PCDH15: variants seen among roughly 807,000 people sequenced by gnomAD.
PCDH15 encodes protocadherin-15.
In PCDH15, 129 loss-of-function variants were observed where a neutral mutation model predicts 178.5. The ratio of observed to expected loss-of-function variants is 0.72; its 90% CI spans 0.63 to 0.84. The LOEUF is 0.84. PCDH15 is among the 40% of genes least tolerant of loss of function. PCDH15 has a pLI of 0.00. For missense variants in PCDH15, 2,230 were observed against 2,099.9 expected (o/e 1.06, Z -1.21); for synonymous variants, 800 against 732.0 (o/e 1.09, Z -1.50).
In PCDH15 at chr10:53,807,040, T is replaced by TTCTC; in HGVS notation, c.4758_4761dup (p.Asn1588GlufsTer8). 1 of 1,613,618 alleles carries TTCTC rather than the reference T, an allele frequency of 6.2e-7. No homozygotes were observed. Among genetic ancestry groups the TTCTC allele is most frequent in the South Asian group, 1.1e-5 (1 of 91,072 alleles). On this transcript the variant is annotated frameshift_variant, in exon 38 of 38. Coordinates refer to ENST00000644397, the MANE Select transcript of PCDH15 (RefSeq NM_001384140.1). LOFTEE classifies it high-confidence loss of function. ...TGGATACTAGGATGGTGAAGACGGT[T>TTCTC]TCTCTGACATTCAGGAGCACTGTCT...
chr10:55,432,088 C>CACACACACAG (rs1421020553), intron 2 of PCDH15, among the ~76,000 whole-genome samples: 3 of 60,598 alleles, frequency 5.0e-5, no homozygotes, highest in Admixed American at 1.5e-4. Context: ...TTTAAACACA[C>CACACACACAG]ACACACACAC....
At chr10:54,859,503 T>C (rs1486061198) in intron 3 of PCDH15, among the ~76,000 whole-genome samples, 2 of 152,006 alleles carry the variant, frequency 1.3e-5, no homozygotes, top group Non-Finnish European at 2.9e-5. Context: ...ATTTTGTACA[T>C]GAACATAACT....
In PCDH15 at chr10:53,868,972, C is replaced by T. The variant is rs528954325; in HGVS notation, c.3502-2115G>A. 8.2e-4 allele frequency among the ~76,000 whole-genome samples: 125 copies of T among 152,288 alleles called. 1 individual carries two copies. Among genetic ancestry groups the T allele is most frequent in the African/African-American group, 2.8e-3 (117 of 41,564 alleles). On this transcript the variant is annotated intron_variant, in intron 26 of 37. Coordinates refer to ENST00000644397, the MANE Select transcript of PCDH15 (RefSeq NM_001384140.1). ...AGCTGGGACTATAGGCACTCCACTACGCCTGGCTAATTCTTTGTAGACACA... is the reference window on the plus strand; with the variant it reads ...AGCTGGGACTATAGGCACTCCACTATGCCTGGCTAATTCTTTGTAGACACA...
intron 2 of PCDH15, among the ~76,000 whole-genome samples, chr10:54,953,372 A>C (rs1435726485): frequency 6.6e-6 from 1 of 151,384 alleles, no homozygotes; most frequent in Non-Finnish European, 1.5e-5. Context: ...AATAAATCCC[A>C]CTTTGCTGTA....
upstream of PCDH15, among the ~76,000 whole-genome samples, chr10:55,321,298 T>TA (rs1659799115): frequency 6.6e-6 from 1 of 151,984 alleles, no homozygotes. Context: ...CAAACATTTT[T>TA]AAAAAATAAA....
intron 2 of PCDH15, among the ~76,000 whole-genome samples, chr10:55,588,191 CT>C (rs1023015394): frequency 6.6e-6 from 1 of 152,202 alleles, no homozygotes; most frequent in African/African-American, 2.4e-5. Flanking sequence ...CTGGGGCTAC[CT>C]TTTTTGCCTA....
intron 2 of PCDH15, among the ~76,000 whole-genome samples, chr10:55,124,471 G>C (rs768116767): frequency 3.6e-4 from 55 of 152,150 alleles, no homozygotes; most frequent in Non-Finnish European, 7.5e-4. Flanking sequence ...TAATTTAATA[G>C]AATAGAGCTA....
At chr10:54,950,139 G>T (rs1240716547) in intron 2 of PCDH15, among the ~76,000 whole-genome samples, 1 of 152,012 alleles carries the variant, frequency 6.6e-6, no homozygotes, top group Non-Finnish European at 1.5e-5. Context: ...AACTTCCTGA[G>T]ACTGGGTAAT....
At chr10:53,960,959 T>C in intron 22 of PCDH15, among the ~76,000 whole-genome samples, 1 of 152,316 alleles carries the variant, frequency 6.6e-6, no homozygotes, top group Non-Finnish European at 1.5e-5. Context: ...ATTGTTTTAA[T>C]ACCTTGCCAG....
chr10:54,238,496 T>C (rs1160840021), intron 8 of PCDH15, among the ~76,000 whole-genome samples: 1 of 152,032 alleles, frequency 6.6e-6, no homozygotes, highest in East Asian at 1.9e-4. Flanking sequence ...TTCCTGAAAA[T>C]AAAGAGTTGT....
At chr10:53,969,088 A>G (rs2089375033) in intron 21 of PCDH15, among the ~76,000 whole-genome samples, 1 of 152,156 alleles carries the variant, frequency 6.6e-6, no homozygotes. Context: ...TGAACCCACC[A>G]CAAAGAAGCT....
intron 2 of PCDH15, among the ~76,000 whole-genome samples, chr10:55,529,673 A>G (rs1841398377): frequency 2.0e-5 from 3 of 147,200 alleles, no homozygotes; most frequent in Non-Finnish European, 3.0e-5. Flanking sequence ...ATTGGCATAA[A>G]TTCTGCCTTT....
In PCDH15 at chr10:53,827,568, G is replaced by A. The variant is rs775958545; in HGVS notation, c.4212-20C>T. 61 of 1,613,854 alleles carry A rather than the reference G, an allele frequency of 3.8e-5. No homozygotes were observed. The highest frequency in any genetic ancestry group is 1.6e-4 in the Middle Eastern group (1 of 6,064). ...TGACGTCTTGGATAAAGTAAGGATG[G>A]CTTGTAAAACTCATTTTAGAAATCA... On this transcript the variant is annotated intron_variant, in intron 31 of 37. Coordinates refer to ENST00000644397, the MANE Select transcript of PCDH15 (RefSeq NM_001384140.1).
At chr10:55,425,864 G>A (rs1198611224) in intron 2 of PCDH15, among the ~76,000 whole-genome samples, 5 of 152,116 alleles carry the variant, frequency 3.3e-5, no homozygotes, top group African/African-American at 1.2e-4. Context: ...CACAAAATGA[G>A]TGTATTTTCT....
intron 26 of PCDH15, among the ~76,000 whole-genome samples, chr10:53,896,276 A>G (rs1456639798): frequency 6.6e-6 from 1 of 152,206 alleles, no homozygotes; most frequent in African/African-American, 2.4e-5. Flanking sequence ...ACAAAAAGTT[A>G]ATGTTCAAAG....
chr10:54,154,612 T>C (rs116027333), intron 13 of PCDH15, among the ~76,000 whole-genome samples: 194 of 152,312 alleles, frequency 1.3e-3, no homozygotes, highest in African/African-American at 4.5e-3. Context: ...TCAATAAATG[T>C]AAACAAAGTA....
intron 2 of PCDH15, among the ~76,000 whole-genome samples, chr10:55,483,139 T>C (rs891335797): frequency 2.0e-5 from 3 of 151,754 alleles, no homozygotes; most frequent in Non-Finnish European, 4.4e-5. Context: ...TGACAAATGA[T>C]ATCTAATTAA....
chr10:55,360,651 C>T (rs1351216105), intron 2 of PCDH15, among the ~76,000 whole-genome samples: 2 of 151,726 alleles, frequency 1.3e-5, no homozygotes, highest in Non-Finnish European at 3.0e-5. Flanking sequence ...ATTAAAACTA[C>T]AATAGGATAT....
intron 2 of PCDH15, among the ~76,000 whole-genome samples, chr10:55,350,228 C>CATATAT (rs869240598): frequency 0.025 from 1,846 of 72,498 alleles, 53 homozygotes; most frequent in Non-Finnish European, 0.036. Flanking sequence ...TATATAAACT[C>CATATAT]ATATATATAT....
Sources: gnomAD v4.1 joint callset for allele counts (sites outside exome capture counted in the v4.1 genomes callset) on GRCh38, gnomAD v4.1.1 for gene constraint, MANE v1.5 for transcripts, NCBI Gene and HGNC (gene_info 2026-07-23, HGNC 2026-07-21) for gene names.